ZNF439: variants seen among roughly 807,000 people sequenced by gnomAD.
ZNF439 encodes zinc finger protein 439.
ZNF439 carries 40 observed loss-of-function variants against 47.3 expected under a neutral mutation model. The observed-to-expected ratio is 0.85, with a 90% CI of 0.66 to 1.10. The LOEUF (loss-of-function observed/expected upper bound fraction) is 1.10. Ranked by LOEUF, ZNF439 falls within the 50% of genes least tolerant of loss-of-function variation. The pLI is 0.00. For synonymous variants in ZNF439, 171 were observed against 198.8 expected (o/e 0.86, Z 1.18); for missense variants, 556 against 601.1 (o/e 0.93, Z 0.78).
rs71166640 is a variant in ZNF439 at position 11,865,712 on chromosome 19, CAAAAAAA to C, written c.64-471_64-465del. On this transcript the variant is annotated intron_variant, in intron 1 of 3. Coordinates refer to ENST00000682736, the MANE Select transcript of ZNF439 (RefSeq NM_001348719.2). ...CAGCTGACAGAGCGATACACTATCA[CAAAAAAA>C]AAAAAAAAAAAAAAAAAAAAATTGC... 1.5e-4 allele frequency among the ~76,000 whole-genome samples: 12 copies of C among 82,006 alleles called. No homozygotes were observed. The South Asian group carries it at 1.8e-3, about 13-fold the overall frequency. 53.8% of individuals were successfully genotyped at this position (82,006 alleles called of 152,430 possible).
chr19:11,857,481 C>G (rs1976417934), intron 1 of ZNF439: 1 of 152,202 alleles, frequency 6.6e-6, no homozygotes, highest in South Asian at 2.1e-4. Flanking sequence ...CTGATACAGA[C>G]TTGTCTAAGC....
chr19:11,857,241 G>A (rs1976410457), intron 1 of ZNF439: 1 of 152,196 alleles, frequency 6.6e-6, no homozygotes, highest in Non-Finnish European at 1.5e-5. Context: ...CCGATGGAGA[G>A]TGGTTGTCTA....
chr19:11,866,452 C>A, intron 2 of ZNF439, 85 bp from the exon 3 acceptor site: 1 of 1,601,486 alleles, frequency 6.2e-7, no homozygotes, highest in Non-Finnish European at 8.5e-7. Context: ...TGAGGCATGG[C>A]TGCTGTAAAT....
chr19:11,850,956 G>C (rs1211288346), intron 1 of ZNF439: 1 of 152,132 alleles, frequency 6.6e-6, no homozygotes, highest in East Asian at 1.9e-4. Context: ...ACTTGAACCT[G>C]GGAGGCAGAG....
chr19:11,868,047 T>A lies in ZNF439; in HGVS notation c.993T>A (p.Tyr331Ter), dbSNP rs1976751452. The A allele has an allele frequency of 1.2e-6, 2 of 1,614,078 alleles. No individual in the cohort carries two copies. The highest frequency in any genetic ancestry group is 2.7e-5 in the African/African-American group (2 of 74,934). Residue 331 changes from tyrosine to a stop codon, truncating the protein, a stop_gained, in exon 4 of 4, where the codon TAT (tyrosine) becomes TAA (stop). Coordinates refer to ENST00000682736, the MANE Select transcript of ZNF439 (RefSeq NM_001348719.2). LOFTEE classifies it high-confidence loss of function. Reference protein sequence around the residue: ...HERTHSRKKLYECKQCGKALS... With the variant: ...HERTHSRKKL ...GGACCCACTCTAGGAAAAAACTTTA[T>A]GAATGTAAGCAGTGTGGGAAAGCAT... is the stretch of plus-strand genomic sequence containing the variant.
intron 1 of ZNF439, among the ~76,000 whole-genome samples, chr19:11,864,190 T>C (rs1419760602): frequency 2.0e-5 from 3 of 152,178 alleles, no homozygotes; most frequent in Non-Finnish European, 4.4e-5. Flanking sequence ...CCTTGAGCAG[T>C]AGGATACAAA....
At chr19:11,861,067 T>C (rs541726905) in intron 1 of ZNF439, among the ~76,000 whole-genome samples, 2 of 152,284 alleles carry the variant, frequency 1.3e-5, no homozygotes, top group African/African-American at 4.8e-5. Context: ...CCAGGGTGAC[T>C]GGTTTGTCCC....
chr19:11,855,879 C>T (rs1015526707), intron 1 of ZNF439, among the ~76,000 whole-genome samples: 2 of 152,166 alleles, frequency 1.3e-5, no homozygotes, highest in African/African-American at 4.8e-5. Context: ...GGTCAGCCTT[C>T]TCTCCGTCTT....
chr19:11,865,085 G>A (rs1212424892), intron 1 of ZNF439, among the ~76,000 whole-genome samples: 1 of 152,096 alleles, frequency 6.6e-6, no homozygotes, highest in Non-Finnish European at 1.5e-5. Flanking sequence ...AGGCCAAGAT[G>A]TTATTTTCTA....
rs566086929 is a variant in ZNF439 at position 11,866,237 on chromosome 19, C to T, written c.96C>T (p.Asn32=). 4.7e-5 allele frequency: 76 copies of T among 1,614,148 alleles called. No individual in the cohort carries two copies. The highest frequency in any genetic ancestry group is 3.8e-4 in the South Asian group (35 of 91,078). Residue 32 remains asparagine (N), a synonymous_variant, in exon 2 of 4, where the codon AAC becomes AAT. Coordinates refer to ENST00000682736, the MANE Select transcript of ZNF439 (RefSeq NM_001348719.2). ...TGGCTTTTAAGGATGTGGCTGTGAA[C>T]TTCACCCAGGAGGAGTGGGCTTTGC... is the stretch of plus-strand genomic sequence containing the variant. The part of the protein sequence containing the change: ...DPVAFKDVAV[N]FTQEEWALLD...
chr19:11,849,896 T>C (rs910632757), intron 1 of ZNF439: 7 of 152,168 alleles, frequency 4.6e-5, no homozygotes, highest in African/African-American at 1.4e-4. Flanking sequence ...AGTCAGAGAA[T>C]GTCTGTTTTT....
rs56360542 is a variant in ZNF439, at chr19:11,849,348, C to G, written c.63+418C>G. 2.4e-3 allele frequency: 2,291 copies of G among 948,780 alleles called. 41 individuals are homozygous for G. The African/African-American group carries it at 0.038, about 16-fold the overall frequency. The allele number at this position is 948,780 out of a possible 1,614,324, so 58.8% of individuals were successfully genotyped here. A position where few individuals can be genotyped will look rare whatever the true frequency, so the allele number is the denominator to read the frequency against. Reference sequence around the variant, plus strand: ...CAAAAAGTTCATTTGAGGAAACAGCCATTCACGAATGAGAAACACCCGGTC... The same window carrying G: ...CAAAAAGTTCATTTGAGGAAACAGCGATTCACGAATGAGAAACACCCGGTC... On this transcript the variant is annotated intron_variant, in intron 1 of 3. Coordinates refer to ENST00000682736, the MANE Select transcript of ZNF439 (RefSeq NM_001348719.2).
At chr19:11,859,781 A>G (rs1333772075) in intron 1 of ZNF439, among the ~76,000 whole-genome samples, 1 of 152,114 alleles carries the variant, frequency 6.6e-6, no homozygotes, top group East Asian at 1.9e-4. Context: ...GGCAGTACAG[A>G]TGTTTCTGCT....
At chr19:11,866,393 T>C in intron 2 of ZNF439, 62 bp downstream of exon 2, 1 of 1,609,252 alleles carries the variant, frequency 6.2e-7, no homozygotes, top group Non-Finnish European at 8.5e-7. Context: ...AGCTCACCAA[T>C]GCTGTTGAGT....
At chr19:11,852,132 G>A (rs1976262694) in intron 1 of ZNF439, among the ~76,000 whole-genome samples, 1 of 152,182 alleles carries the variant, frequency 6.6e-6, no homozygotes, top group Non-Finnish European at 1.5e-5. Context: ...ACAGAGATCA[G>A]TAGTGAAGAG....
chr19:11,861,728 C>T (rs558652559), intron 1 of ZNF439, among the ~76,000 whole-genome samples: 1 of 152,284 alleles, frequency 6.6e-6, no homozygotes, highest in South Asian at 2.1e-4. Flanking sequence ...CCTGCAAAAG[C>T]AAAATATACC....
At position 11,866,538 on chromosome 19, in the gene ZNF439, A is replaced by G. The variant is rs200987733; in HGVS notation, c.192A>G (p.Gly64=). 6.6e-5 allele frequency: 106 copies of G among 1,612,594 alleles called. No homozygotes were observed. The highest frequency in any genetic ancestry group is 8.7e-5 in the Non-Finnish European group (103 of 1,179,378). The stretch of plus-strand genomic sequence containing the variant: ...TATTTTTCTGTGTTTGTATTTTAGG[A>G]AAAAAGTGGAAAGACCAGAACATTG... ...LETFWNLTSI[G]KKWKDQNIEY... Residue 64 remains glycine (G), a splice_region_variant and synonymous_variant, in exon 3 of 4, where the codon GGA becomes GGG. Transcript: ENST00000682736.
intron 1 of ZNF439, among the ~76,000 whole-genome samples, chr19:11,860,630 T>A (rs73920387): frequency 6.6e-6 from 1 of 151,788 alleles, no homozygotes; most frequent in Admixed American, 6.6e-5. Context: ...CAAAAGAATA[T>A]GTTTGGAAGA....
At chr19:11,854,264 G>T (rs1976325710) in intron 1 of ZNF439, among the ~76,000 whole-genome samples, 1 of 152,224 alleles carries the variant, frequency 6.6e-6, no homozygotes, top group Non-Finnish European at 1.5e-5. Flanking sequence ...AAGTGATGGA[G>T]TACATCACAA....
Sources: gnomAD v4.1 joint callset for allele counts (sites outside exome capture counted in the v4.1 genomes callset) on GRCh38, gnomAD v4.1.1 for gene constraint, MANE v1.5 for transcripts, NCBI Gene and HGNC (gene_info 2026-07-23, HGNC 2026-07-21) for gene names.